CFAP36: variants seen among roughly 807,000 people sequenced by gnomAD.
CFAP36 encodes the protein cilia- and flagella-associated protein 36.
In CFAP36, 37 loss-of-function variants were observed where a neutral mutation model predicts 50.5. That is an observed-to-expected ratio of 0.73 (90% CI 0.56 to 0.96). CFAP36 has a LOEUF of 0.96. Ranked by LOEUF, CFAP36 falls within the 50% of genes least tolerant of loss-of-function variation. The pLI, the probability that CFAP36 is intolerant of heterozygous loss-of-function variation, is 0.00. For missense variants in CFAP36, 407 were observed against 396.2 expected, an observed-to-expected ratio of 1.03 and a Z score of -0.23; for synonymous variants, 138 against 128.2, an observed-to-expected ratio of 1.08 and a Z score of -0.52.
chr2:55,524,074 T>C (rs932352919), intron 3 of CFAP36, among the ~76,000 whole-genome samples: 12 of 152,244 alleles, frequency 7.9e-5, no homozygotes, highest in Non-Finnish European at 1.8e-4. Flanking sequence ...ACAGGGTTTA[T>C]ACAAACTACT....
intron 1 of CFAP36, chr2:55,520,342 C>A: frequency 7.1e-7 from 1 of 1,404,224 alleles, no homozygotes; most frequent in South Asian, 1.4e-5. Flanking sequence ...CTTATGATCC[C>A]TAGCATTTCG....
chr2:55,544,086 A>G lies in CFAP36; in HGVS notation c.777+12A>G, dbSNP rs1684711723. Reference sequence around the variant, plus strand: ...AAGGACCAATAGCAGTAAGTAAACGACATCACTTAAGAACTATAAGCAAAA... The same window carrying G: ...AAGGACCAATAGCAGTAAGTAAACGGCATCACTTAAGAACTATAAGCAAAA... On this transcript the variant is annotated intron_variant, in intron 8 of 9. Transcript: ENST00000349456. 4 of 1,613,342 alleles carry G rather than the reference A, an allele frequency of 2.5e-6. No individual in the cohort carries two copies. The East Asian group carries it at 8.9e-5, about 36-fold the overall frequency.
chr2:55,530,198 A>C (rs1684318828), intron 4 of CFAP36, among the ~76,000 whole-genome samples: 1 of 151,968 alleles, frequency 6.6e-6, no homozygotes, highest in South Asian at 2.1e-4. Flanking sequence ...TGGTTTTGGG[A>C]AAGGGGAGTC....
At chr2:55,526,467 A>G (rs1558908051) in intron 3 of CFAP36, among the ~76,000 whole-genome samples, 1 of 152,022 alleles carries the variant, frequency 6.6e-6, no homozygotes, top group Non-Finnish European at 1.5e-5. Flanking sequence ...TTTGAGACAG[A>G]GTCTTTCTCT....
chr2:55,544,904 C>T lies in CFAP36; in HGVS notation c.928-3C>T. 1.9e-6 allele frequency: 3 copies of T among 1,562,164 alleles called. No individual in the cohort carries two copies. The highest frequency in any genetic ancestry group is 2.0e-5 in the Admixed American group (1 of 49,952). On this transcript the variant is annotated splice_polypyrimidine_tract_variant and splice_region_variant and intron_variant, in intron 9 of 9. Transcript: ENST00000349456. Reference sequence around the variant, plus strand: ...TGTAGCCAATTTTTTCTTTTTTTTTCAGGAAATGACAGAGAAACCAGAAAT... The same window carrying T: ...TGTAGCCAATTTTTTCTTTTTTTTTTAGGAAATGACAGAGAAACCAGAAAT...
At chr2:55,537,842 A>G (rs1016105473) in intron 7 of CFAP36, among the ~76,000 whole-genome samples, 1 of 152,236 alleles carries the variant, frequency 6.6e-6, no homozygotes, top group Non-Finnish European at 1.5e-5. Flanking sequence ...TTGAGGGAGT[A>G]ACTAGCCTTT....
At chr2:55,526,473 T>C (rs1284771025) in intron 3 of CFAP36, among the ~76,000 whole-genome samples, 1 of 152,184 alleles carries the variant, frequency 6.6e-6, no homozygotes. Flanking sequence ...ACAGAGTCTT[T>C]CTCTGCCACC....
chr2:55,520,264 C>G (rs1684025755), intron 1 of CFAP36: 3 of 722,334 alleles, frequency 4.2e-6, no homozygotes, highest in Non-Finnish European at 4.5e-6. Flanking sequence ...GGCAGGTGGA[C>G]TGTTTGGCTG....
intron 7 of CFAP36, among the ~76,000 whole-genome samples, chr2:55,537,871 C>T (rs1684533967): frequency 6.6e-6 from 1 of 152,174 alleles, no homozygotes; most frequent in Non-Finnish European, 1.5e-5. Context: ...CTGCAGCTTA[C>T]AAGAGAGGTT....
chr2:55,523,958 CAT>C (rs753359194), intron 3 of CFAP36, 136 bp downstream of exon 3: 36 of 532,408 alleles, frequency 6.8e-5, no homozygotes, highest in Non-Finnish European at 8.3e-5. Flanking sequence ...TAATTCATCA[CAT>C]ATGAGTTCTT....
chr2:55,525,632 C>CTTT (rs35228412), intron 3 of CFAP36, among the ~76,000 whole-genome samples: 1 of 149,930 alleles, frequency 6.7e-6, no homozygotes. Flanking sequence ...AACTTGCTCT[C>CTTT]TTTTTTTTTT....
At chr2:55,520,676 C>G (rs1469345171) in intron 1 of CFAP36, among the ~76,000 whole-genome samples, 1 of 152,146 alleles carries the variant, frequency 6.6e-6, no homozygotes, top group Non-Finnish European at 1.5e-5. Flanking sequence ...AGAAAAGGAA[C>G]CAGAAACCAC....
intron 4 of CFAP36, among the ~76,000 whole-genome samples, chr2:55,530,394 A>G (rs1292972214): frequency 6.6e-6 from 1 of 152,212 alleles, no homozygotes; most frequent in Non-Finnish European, 1.5e-5. Context: ...ATGGACTAAC[A>G]CAAACAAGTT....
chr2:55,529,058 A>T, intron 4 of CFAP36, 66 bp downstream of exon 4: 1 of 1,078,138 alleles, frequency 9.3e-7, no homozygotes, highest in Non-Finnish European at 1.4e-6. Context: ...GACTATTCTA[A>T]TATGGTCTTA....
At chr2:55,523,700 A>T in intron 2 of CFAP36, 21 bp from the exon 3 acceptor site, 1 of 1,490,874 alleles carries the variant, frequency 6.7e-7, no homozygotes, top group South Asian at 1.2e-5. Flanking sequence ...TAATTATAAA[A>T]GTTAAACTTT....
At position 55,519,725 on chromosome 2, in the gene CFAP36, C is replaced by G. The variant is rs1029964500; in HGVS notation, c.-77C>G. 8 of 1,431,800 alleles carry G rather than the reference C, an allele frequency of 5.6e-6. No homozygotes were observed. The highest frequency in any genetic ancestry group is 4.2e-4 in the Middle Eastern group (2 of 4,784). The allele number at this position is 1,431,800 out of a possible 1,614,324, so 88.7% of individuals were successfully genotyped here. A position where few individuals can be genotyped will look rare whatever the true frequency, so the allele number is the denominator to read the frequency against. On this transcript the variant is annotated 5_prime_UTR_variant, in exon 1 of 10. Transcript: ENST00000349456. ...CAGCTCTTCCCCTACTCCCTCTCGG[C>G]TCCTTGTGGCCCAAAGGCCTAACCG...
At position 55,519,779 on chromosome 2, in the gene CFAP36, C is replaced by T. The variant is rs574366687; in HGVS notation, c.-23C>T. 3.7e-6 allele frequency: 6 copies of T among 1,613,376 alleles called. No individual in the cohort carries two copies. The South Asian group carries it at 6.6e-5, about 18-fold the overall frequency. ...TCCGGCGGTCTGGCCTAGGGATCTTCCCCGTTGCCCCTTTGGGGCGGGATG... is the reference window on the plus strand; with the variant it reads ...TCCGGCGGTCTGGCCTAGGGATCTTTCCCGTTGCCCCTTTGGGGCGGGATG... On this transcript the variant is annotated 5_prime_UTR_variant, in exon 1 of 10. Transcript: ENST00000349456.
chr2:55,537,848 C>G (rs146028228), intron 7 of CFAP36, among the ~76,000 whole-genome samples: 15 of 152,292 alleles, frequency 9.8e-5, no homozygotes, highest in African/African-American at 3.4e-4. Context: ...GAGTAACTAG[C>G]CTTTGTGCAT....
chr2:55,537,395 A>C (rs748205773), intron 6 of CFAP36, 88 bp from the exon 7 acceptor site: 20 of 887,644 alleles, frequency 2.3e-5, no homozygotes, highest in Non-Finnish European at 3.5e-5. Context: ...AGAAAACTAT[A>C]ATATCTTTGG....
Sources: allele counts gnomAD v4.1 joint callset (sites outside exome capture counted in the v4.1 genomes callset), GRCh38; gene constraint gnomAD v4.1.1; transcripts MANE v1.5; gene names NCBI Gene and HGNC (gene_info 2026-07-23, HGNC 2026-07-21).